STAG1: variants seen among roughly 807,000 people sequenced by gnomAD.
STAG1 encodes STAG1 cohesin complex component.
Under a neutral mutation model 170.9 loss-of-function variants are expected in STAG1, and 26 were observed. The ratio of observed to expected loss-of-function variants is 0.15; its 90% CI spans 0.11 to 0.21. The LOEUF (loss-of-function observed/expected upper bound fraction) is 0.21, where lower values mean the gene tolerates loss of function less well. Ranked by LOEUF, STAG1 falls within the 10% of genes least tolerant of loss-of-function variation. The pLI, the probability that STAG1 is intolerant of heterozygous loss-of-function variation, is 1.00. For missense variants in STAG1, 964 were observed against 1,509.5 expected, an observed-to-expected ratio of 0.64 and a Z score of 5.99; for synonymous variants, 514 against 497.7, an observed-to-expected ratio of 1.03 and a Z score of -0.44.
At chr3:136,545,141 C>A (rs530929728) in intron 5 of STAG1, among the ~76,000 whole-genome samples, 3 of 152,024 alleles carry the variant, frequency 2.0e-5, no homozygotes, top group African/African-American at 7.2e-5. Context: ...CTCCGCCTCC[C>A]GGGTTCAAGT....
Position 136,551,230 on chromosome 3 carries a change from A to T in STAG1, c.395-9035T>A, listed in dbSNP as rs1225485671. 6.6e-4 allele frequency among the ~76,000 whole-genome samples: 93 copies of T among 141,008 alleles called. 2 individuals carry two copies. The highest frequency in any genetic ancestry group is 2.2e-3 in the African/African-American group (82 of 37,436). The allele number at this position is 141,008 out of a possible 152,430, so 92.5% of individuals were successfully genotyped here. A position where few individuals can be genotyped will look rare whatever the true frequency, so the allele number is the denominator to read the frequency against. On this transcript the variant is annotated intron_variant, in intron 5 of 33. Transcript: ENST00000383202. Reference sequence around the variant, plus strand: ...GAGTGAGAGAGAGAGAGAGAGAGAGAGAGAGAGAGAGAGAGAGAGAGAGAG... The same window carrying T: ...GAGTGAGAGAGAGAGAGAGAGAGAGTGAGAGAGAGAGAGAGAGAGAGAGAG...
chr3:136,417,324 AG>A (rs1464182305), intron 21 of STAG1, among the ~76,000 whole-genome samples: 2 of 152,186 alleles, frequency 1.3e-5, no homozygotes, highest in Non-Finnish European at 2.9e-5. Context: ...GAATATCTGC[AG>A]TGTACAAAAT....
At chr3:136,574,264 A>G (rs1937370905) in intron 4 of STAG1, among the ~76,000 whole-genome samples, 1 of 151,930 alleles carries the variant, frequency 6.6e-6, no homozygotes, top group Non-Finnish European at 1.5e-5. Context: ...ACCCGACCAC[A>G]TAATATTTAC....
intron 1 of STAG1, among the ~76,000 whole-genome samples, chr3:136,690,717 G>A (rs185053710): frequency 6.6e-6 from 1 of 152,194 alleles, no homozygotes; most frequent in East Asian, 1.9e-4. Context: ...TCTGTGAGGA[G>A]GAAGAGTCAG....
chr3:136,693,751 T>A (rs1355808330), intron 1 of STAG1, among the ~76,000 whole-genome samples: 2 of 151,810 alleles, frequency 1.3e-5, no homozygotes, highest in African/African-American at 2.4e-5. Flanking sequence ...TTTTTTTTTT[T>A]AAGAGACGGG....
chr3:136,686,025 T>C (rs1045244682), intron 1 of STAG1, among the ~76,000 whole-genome samples: 4 of 152,308 alleles, frequency 2.6e-5, no homozygotes, highest in East Asian at 1.9e-4. Context: ...TAAGCTCTGA[T>C]TGGTGAGTGA....
intron 22 of STAG1, among the ~76,000 whole-genome samples, chr3:136,383,832 G>A (rs1368545688): frequency 1.3e-5 from 2 of 151,772 alleles, no homozygotes; most frequent in Non-Finnish European, 2.9e-5. Flanking sequence ...GCAGGCGCCT[G>A]TAGTCCTAGC....
intron 13 of STAG1, among the ~76,000 whole-genome samples, chr3:136,457,110 C>T (rs989852298): frequency 2.0e-5 from 3 of 152,014 alleles, no homozygotes; most frequent in African/African-American, 4.8e-5. Flanking sequence ...GGAAAATGTC[C>T]GGGGTCCAGG....
chr3:136,690,056 C>CAAAAAAAAAAAAAAAAAAAAAAAGAA (rs1942670660), intron 1 of STAG1, among the ~76,000 whole-genome samples: 1 of 56,406 alleles, frequency 1.8e-5, no homozygotes, highest in African/African-American at 7.7e-5. Flanking sequence ...AAAAGCAAAC[C>CAAAAAAAAAAAAAAAAAAAAAAAGAA]AAAAAAAAAA....
chr3:136,368,755 G>C (rs1198962778), intron 24 of STAG1, among the ~76,000 whole-genome samples: 1 of 152,138 alleles, frequency 6.6e-6, no homozygotes, highest in Non-Finnish European at 1.5e-5. Context: ...GAAAAGATCT[G>C]AGGTACAGTA....
At chr3:136,369,017 A>G (rs917695895) in intron 24 of STAG1, 91 bp downstream of exon 24, 1 of 1,232,422 alleles carries the variant, frequency 8.1e-7, no homozygotes, top group Non-Finnish European at 1.1e-6. Context: ...AGAAATCTCG[A>G]TAATTTTTAG....
intron 10 of STAG1, 60 bp from the exon 11 acceptor site, chr3:136,473,697 G>A: frequency 7.7e-7 from 1 of 1,296,048 alleles, no homozygotes; most frequent in Non-Finnish European, 1.1e-6. Context: ...CAATTTTCAA[G>A]TCTATATGAA....
chr3:136,684,002 G>A (rs1455791702), intron 1 of STAG1, among the ~76,000 whole-genome samples: 1 of 152,104 alleles, frequency 6.6e-6, no homozygotes, highest in African/African-American at 2.4e-5. Flanking sequence ...ATGAGGAAAT[G>A]TATAAAACTC....
At chr3:136,543,174 AG>A (rs1935988225) in intron 5 of STAG1, among the ~76,000 whole-genome samples, 1 of 152,218 alleles carries the variant, frequency 6.6e-6, no homozygotes. Context: ...GTTGAGGTTT[AG>A]AAAAATAAGG....
intron 25 of STAG1, 90 bp from the exon 26 acceptor site, chr3:136,363,557 A>T: frequency 6.2e-6 from 2 of 324,528 alleles, no homozygotes. Context: ...TTGAAAATGA[A>T]AAAAAAAAAA....
chr3:136,485,568 C>T (rs890727230), intron 9 of STAG1, among the ~76,000 whole-genome samples: 1 of 152,102 alleles, frequency 6.6e-6, no homozygotes, highest in Admixed American at 6.5e-5. Flanking sequence ...AAATTTCAGA[C>T]ATAAAACAAG....
chr3:136,699,741 T>C (rs959632249), intron 1 of STAG1, among the ~76,000 whole-genome samples: 1 of 152,016 alleles, frequency 6.6e-6, no homozygotes, highest in African/African-American at 2.4e-5. Flanking sequence ...ACATCCTTTG[T>C]GTATCCTTTC....
chr3:136,525,386 G>A (rs1381972689), intron 6 of STAG1, among the ~76,000 whole-genome samples: 1 of 152,150 alleles, frequency 6.6e-6, no homozygotes, highest in Admixed American at 6.5e-5. Context: ...TTTGCGTAGA[G>A]GTGTTTATAG....
intron 1 of STAG1, among the ~76,000 whole-genome samples, chr3:136,666,108 A>AG (rs1941759588): frequency 1.4e-5 from 2 of 141,250 alleles, no homozygotes; most frequent in Admixed American, 7.4e-5. Flanking sequence ...AAAAAAAAAA[A>AG]AAAGAAAGAA....
Sources: allele counts gnomAD v4.1 joint callset (sites outside exome capture counted in the v4.1 genomes callset), GRCh38; gene constraint gnomAD v4.1.1; transcripts MANE v1.5; gene names NCBI Gene and HGNC (gene_info 2026-07-23, HGNC 2026-07-21).